The following TRAF1 variants were observed in gnomAD, a reference collection of about 807,000 sequenced individuals.
The protein encoded by TRAF1 is TNF receptor associated factor 1.
TRAF1 carries 23 observed loss-of-function variants against 40.9 expected under a neutral mutation model. That is an observed-to-expected ratio of 0.56 (90% CI 0.40 to 0.80). TRAF1 has a LOEUF of 0.80. Ranked by LOEUF, TRAF1 falls within the 30% of genes least tolerant of loss-of-function variation. TRAF1 has a pLI of 0.00. For missense variants in TRAF1, 477 were observed against 528.7 expected (o/e 0.90, Z 0.96); for synonymous variants, 206 against 218.8 (o/e 0.94, Z 0.52).
intron 7 of TRAF1, among the ~76,000 whole-genome samples, chr9:120,905,760 C>T (rs548570112): frequency 2.0e-5 from 3 of 152,318 alleles, no homozygotes; most frequent in Admixed American, 6.5e-5. Context: ...ACAGCACAGA[C>T]GGAGGTTCCC....
chr9:120,922,649 T>C (rs1171027170), intron 3 of TRAF1, among the ~76,000 whole-genome samples: 1 of 152,116 alleles, frequency 6.6e-6, no homozygotes, highest in African/African-American at 2.4e-5. Flanking sequence ...GAAGCACCGT[T>C]TGACAGAGCT....
At chr9:120,910,285 T>C (rs959513641) in intron 6 of TRAF1, among the ~76,000 whole-genome samples, 1 of 152,114 alleles carries the variant, frequency 6.6e-6, no homozygotes, top group East Asian at 1.9e-4. Context: ...GGTCTACAAG[T>C]AGGGCTCGAG....
At chr9:120,914,118 G>T (rs2416804) in intron 4 of TRAF1, 117 bp downstream of exon 4, 45 of 875,324 alleles carry the variant, frequency 5.1e-5, no homozygotes, top group Non-Finnish European at 6.7e-5. Context: ...TTAGTACAAA[G>T]GACATCCAGA....
intron 3 of TRAF1, among the ~76,000 whole-genome samples, chr9:120,920,491 C>T (rs1437364709): frequency 1.4e-5 from 2 of 145,602 alleles, no homozygotes; most frequent in Non-Finnish European, 3.0e-5. Flanking sequence ...CAGTTGTCAG[C>T]TTGCTTTTGA....
At chr9:120,914,127 G>A in intron 4 of TRAF1, 108 bp downstream of exon 4, 1 of 943,766 alleles carries the variant, frequency 1.1e-6, no homozygotes, top group Non-Finnish European at 1.5e-6. Flanking sequence ...AGGACATCCA[G>A]ATGAGTGGAC....
At chr9:120,917,030 C>T (rs562046472) in intron 3 of TRAF1, among the ~76,000 whole-genome samples, 1 of 152,256 alleles carries the variant, frequency 6.6e-6, no homozygotes, top group African/African-American at 2.4e-5. Flanking sequence ...TGAAAATGAT[C>T]AAGCTAAGAG....
intron 3 of TRAF1, 49 bp from the exon 4 acceptor site, chr9:120,914,349 AC>A: frequency 7.2e-7 from 1 of 1,383,332 alleles, no homozygotes; most frequent in East Asian, 2.6e-5. Flanking sequence ...CCCTGTGGCT[AC>A]CCTGGGGCTC....
chr9:120,923,698 A>C lies in TRAF1; in HGVS notation c.228+7T>G. 6.2e-7 allele frequency: 1 copy of C among 1,614,064 alleles called. No individual in the cohort carries two copies. The highest frequency in any genetic ancestry group is 1.3e-5 in the African/African-American group (1 of 75,048). On this transcript the variant is annotated splice_region_variant and intron_variant, in intron 3 of 7. Transcript: ENST00000373887. ...GACAAATGCCTTTCTGTGATGTGCC[A>C]ACGTACCTTCTCCTGAGTTCGAAGA... is the stretch of plus-strand genomic sequence containing the variant.
At chr9:120,916,240 A>C (rs1373116032) in intron 3 of TRAF1, among the ~76,000 whole-genome samples, 1 of 152,230 alleles carries the variant, frequency 6.6e-6, no homozygotes, top group East Asian at 1.9e-4. Flanking sequence ...GCTTCTAGCA[A>C]AGGCAAAACT....
chr9:120,914,147 G>T, intron 4 of TRAF1, 88 bp downstream of exon 4: 7 of 1,174,924 alleles, frequency 6.0e-6, no homozygotes, highest in Non-Finnish European at 8.0e-6. Flanking sequence ...CTGATGTTAC[G>T]GGAAAATCAT....
chr9:120,913,846 C>G (rs2046549800), intron 4 of TRAF1, 108 bp from the exon 5 acceptor site: 1 of 1,314,136 alleles, frequency 7.6e-7, no homozygotes, highest in South Asian at 1.5e-5. Flanking sequence ...ATTCACCCAG[C>G]AAAAAGGAGT....
At chr9:120,905,744 G>T (rs2046475948) in intron 7 of TRAF1, among the ~76,000 whole-genome samples, 1 of 152,200 alleles carries the variant, frequency 6.6e-6, no homozygotes, top group South Asian at 2.1e-4. Context: ...GGAGCTTCTG[G>T]TATACACAGC....
chr9:120,923,841 C>A, intron 2 of TRAF1, 49 bp from the exon 3 acceptor site: 1 of 1,529,370 alleles, frequency 6.5e-7, no homozygotes, highest in Non-Finnish European at 9.1e-7. Flanking sequence ...CAGCTCCCTG[C>A]ACCATCCACT....
chr9:120,904,918 C>T lies in TRAF1; in HGVS notation c.*102G>A. 1 of 1,206,236 alleles carries T rather than the reference C, an allele frequency of 8.3e-7. No individual in the cohort carries two copies. Among genetic ancestry groups the T allele is most frequent in the South Asian group, 1.5e-5 (1 of 68,576 alleles). 74.7% of individuals were successfully genotyped at this position (1,206,236 alleles called of 1,614,324 possible). On this transcript the variant is annotated 3_prime_UTR_variant, in exon 8 of 8. Coordinates refer to ENST00000373887, the MANE Select transcript of TRAF1 (RefSeq NM_005658.5). ...CTTGCTTGGATCATGCCAGCCTTCA[C>T]CCATCTTTGTGCCCTGAGGTCTTGG...
At chr9:120,927,946 C>G (rs529657577), upstream of TRAF1, 3 of 152,320 alleles carry the variant, frequency 2.0e-5, no homozygotes, top group African/African-American at 7.2e-5. Context: ...TCTGTGGGTC[C>G]CTTCTCTCCC....
chr9:120,914,704 C>A, intron 3 of TRAF1: 3 of 425,780 alleles, frequency 7.0e-6, no homozygotes, highest in Non-Finnish European at 9.4e-6. Context: ...AAATGCCTCC[C>A]TCCTCCTGAA....
rs2046548981 is a variant in TRAF1 at position 120,913,758 on chromosome 9, G to A, written c.295-20C>T. 1 of 1,536,156 alleles carries A rather than the reference G, an allele frequency of 6.5e-7. No individual in the cohort carries two copies. The highest frequency in any genetic ancestry group is 8.8e-7 in the Non-Finnish European group (1 of 1,140,584). The stretch of plus-strand genomic sequence containing the variant: ...GCTTCCCTGACAAGAGAGTGGGGCT[G>A]ATCAGTGAAAACAGAGGTGGAGTGA... On this transcript the variant is annotated intron_variant, in intron 4 of 7. Transcript: ENST00000373887.
At chr9:120,920,001 T>C (rs1292879787) in intron 3 of TRAF1, among the ~76,000 whole-genome samples, 1 of 152,078 alleles carries the variant, frequency 6.6e-6, no homozygotes, top group Non-Finnish European at 1.5e-5. Context: ...ATTGGTAAAA[T>C]AGGGCTATCA....
chr9:120,909,968 T>C (rs1332274132), intron 6 of TRAF1, among the ~76,000 whole-genome samples: 1 of 152,080 alleles, frequency 6.6e-6, no homozygotes, highest in Non-Finnish European at 1.5e-5. Context: ...TGGGGGTACA[T>C]GGGGTGACTC....
Sources: gnomAD v4.1 joint callset for allele counts (sites outside exome capture counted in the v4.1 genomes callset) on GRCh38, gnomAD v4.1.1 for gene constraint, MANE v1.5 for transcripts, NCBI Gene and HGNC (gene_info 2026-07-23, HGNC 2026-07-21) for gene names.